Variants in HELZ observed in about 807,000 individuals in gnomAD.
HELZ encodes ATP-dependent RNA helicase with zinc finger domain.
Under a neutral mutation model 218.2 loss-of-function variants are expected in HELZ, and 23 were observed. The ratio of observed to expected loss-of-function variants is 0.11; its 90% CI spans 0.08 to 0.15. The LOEUF (loss-of-function observed/expected upper bound fraction) is 0.15, where lower values mean the gene tolerates loss of function less well. Among genes scored for constraint, HELZ ranks in the 10% least tolerant of loss-of-function variants. HELZ has a pLI of 1.00. For missense variants in HELZ, 1,813 were observed against 2,353.7 expected (o/e 0.77, Z 4.75); for synonymous variants, 814 against 829.4 (o/e 0.98, Z 0.32).
intron 27 of HELZ, among the ~76,000 whole-genome samples, chr17:67,117,546 T>C (rs2037463927): frequency 6.7e-6 from 1 of 149,340 alleles, no homozygotes; most frequent in Non-Finnish European, 1.5e-5. Flanking sequence ...CTGTATATAC[T>C]GAAAACTTTT....
chr17:67,174,758 T>C (rs989120519), intron 13 of HELZ, among the ~76,000 whole-genome samples: 1 of 151,906 alleles, frequency 6.6e-6, no homozygotes, highest in Non-Finnish European at 1.5e-5. Context: ...GACTGCACCA[T>C]TGCACTCCAG....
intron 31 of HELZ, among the ~76,000 whole-genome samples, chr17:67,100,376 A>C (rs937471354): frequency 6.6e-6 from 1 of 152,208 alleles, no homozygotes; most frequent in Non-Finnish European, 1.5e-5. Context: ...GTAAATGTCG[A>C]TTTACTGAAA....
At chr17:67,204,053 C>T (rs1421586684) in intron 5 of HELZ, among the ~76,000 whole-genome samples, 3 of 152,174 alleles carry the variant, frequency 2.0e-5, no homozygotes, top group African/African-American at 4.8e-5. Flanking sequence ...GAGATGATTT[C>T]TCACAGCAAC....
chr17:67,100,397 G>A (rs543965610), intron 31 of HELZ, among the ~76,000 whole-genome samples: 1 of 152,264 alleles, frequency 6.6e-6, no homozygotes, highest in South Asian at 2.1e-4. Context: ...GCTGATCAAA[G>A]TAAGTGACTT....
chr17:67,094,279 A>G (rs185827228), intron 31 of HELZ, among the ~76,000 whole-genome samples: 98 of 151,874 alleles, frequency 6.5e-4, no homozygotes, highest in Non-Finnish European at 6.0e-4. Context: ...CTGAGATCAT[A>G]TACTGCACCT....
At chr17:67,218,427 T>C (rs1248519555) in intron 4 of HELZ, among the ~76,000 whole-genome samples, 168 bp downstream of exon 4, 1 of 152,136 alleles carries the variant, frequency 6.6e-6, no homozygotes, top group African/African-American at 2.4e-5. Flanking sequence ...GTAGAACAGT[T>C]TTCAAGGTTC....
intron 3 of HELZ, among the ~76,000 whole-genome samples, chr17:67,234,285 T>C (rs918987490): frequency 6.1e-5 from 8 of 132,004 alleles, no homozygotes; most frequent in African/African-American, 2.4e-4. Context: ...ATGGAGCCAC[T>C]GTACTCCAAA....
intron 27 of HELZ, among the ~76,000 whole-genome samples, chr17:67,117,191 A>G (rs1469420746): frequency 6.6e-6 from 1 of 152,084 alleles, no homozygotes; most frequent in Admixed American, 6.5e-5. Flanking sequence ...ATTCTTCTCA[A>G]GTACACACAG....
At chr17:67,089,806 CCAAGGAA>C (rs1407379363) in intron 31 of HELZ, among the ~76,000 whole-genome samples, 190 of 150,056 alleles carry the variant, frequency 1.3e-3, no homozygotes, top group African/African-American at 4.2e-3. Flanking sequence ...CAGGAATCTC[CCAAGGAA>C]TTGGGAGATT....
Position 67,071,599 on chromosome 17 carries a change from T to C in HELZ, c.*6653A>G, listed in dbSNP as rs988045113. 1 of 152,190 alleles carries C rather than the reference T, an allele frequency of 6.6e-6. No homozygotes were observed. The highest frequency in any genetic ancestry group is 1.5e-5 in the Non-Finnish European group (1 of 68,032). 9.4% of individuals were successfully genotyped at this position (152,190 alleles called of 1,614,324 possible). ...AAATAGCTTTTTTTTGTCTTTCTAGTAGCTCAGTAAATTCAAAGGCAAACT... is the reference window on the plus strand; with the variant it reads ...AAATAGCTTTTTTTTGTCTTTCTAGCAGCTCAGTAAATTCAAAGGCAAACT... On this transcript the variant is annotated 3_prime_UTR_variant, in exon 33 of 33. Coordinates refer to ENST00000358691, the MANE Select transcript of HELZ (RefSeq NM_014877.4).
At chr17:67,147,265 T>C (rs2038527064) in intron 20 of HELZ, among the ~76,000 whole-genome samples, 1 of 152,200 alleles carries the variant, frequency 6.6e-6, no homozygotes, top group South Asian at 2.1e-4. Flanking sequence ...TTTATTTGTA[T>C]GTGTAGATAT....
intron 31 of HELZ, among the ~76,000 whole-genome samples, chr17:67,095,601 C>G (rs574627629): frequency 6.6e-6 from 1 of 152,296 alleles, no homozygotes; most frequent in African/African-American, 2.4e-5. Context: ...CATAAGATTA[C>G]AGCAAGTTAG....
intron 31 of HELZ, among the ~76,000 whole-genome samples, chr17:67,094,334 AGAG>A (rs1429228320): frequency 3.5e-4 from 45 of 128,106 alleles, no homozygotes; most frequent in African/African-American, 1.8e-3. Context: ...AAAAAAAAAA[AGAG>A]AGAGAGAGAG....
rs1375352271 is a variant in HELZ at position 67,137,946 on chromosome 17, C to T, written c.2938G>A (p.Val980Met). 1.2e-6 allele frequency: 2 copies of T among 1,610,798 alleles called. No individual in the cohort carries two copies. Among genetic ancestry groups the T allele is most frequent in the Non-Finnish European group, 8.5e-7 (1 of 1,178,010 alleles). The change falls in exon 22 of 33, where the codon GTG (valine) becomes ATG (methionine). Residue 980 changes from valine (V) to methionine (M), a missense_variant. Val to Met is a conservative substitution (Grantham distance 21). Coordinates refer to ENST00000358691, the MANE Select transcript of HELZ (RefSeq NM_014877.4). Reference sequence around the variant, plus strand: ...TGACACTTACCTTGAACATTTAGCACCCTTTCTACATTAACATCAGATAAT... The same window carrying T: ...TGACACTTACCTTGAACATTTAGCATCCTTTCTACATTAACATCAGATAAT... ...KRLSDVNVERVLNVQGKQFRV... is the reference protein window; with the variant it reads ...KRLSDVNVERMLNVQGKQFRV...
Position 67,215,162 on chromosome 17 carries a change from A to C in HELZ, c.247+737T>G, listed in dbSNP as rs184668290. Among the ~76,000 whole-genome samples the C allele has an allele frequency of 5.5e-3, 841 of 152,052 alleles. 13 individuals are homozygous for C. Among genetic ancestry groups the C allele is most frequent in the African/African-American group, 0.018 (763 of 41,466 alleles). On this transcript the variant is annotated intron_variant, in intron 5 of 32. Transcript: ENST00000358691. ...CTGTCTCAGAGAGGGGAAAAAAAAA[A>C]CACAGGAAAAATTACTAAAGAGCAT... is the stretch of plus-strand genomic sequence containing the variant.
rs558526846 is a variant in HELZ, at chr17:67,201,467, A to C, written c.373-282T>G. On this transcript the variant is annotated intron_variant, in intron 6 of 32. Transcript: ENST00000358691. ...ATTAACTCAAGAAAATATTAACAAC[A>C]GGTACCACCACAGAACAAGACAGCA... Among the ~76,000 whole-genome samples, 131 of 152,348 alleles carry C rather than the reference A, an allele frequency of 8.6e-4. 2 individuals carry two copies. The highest frequency in any genetic ancestry group is 6.8e-3 in the Middle Eastern group (2 of 294).
Position 67,114,339 on chromosome 17 carries a change from T to C in HELZ, c.3903A>G (p.Pro1301=). ...INKIRTPEKK[P]TEPKQVDLES... ...AGCAGCATACCTGTTTTGGTTCTGTTGGCTTTTTCTCTGGTGTTCGAATCT... is the reference window on the plus strand; with the variant it reads ...AGCAGCATACCTGTTTTGGTTCTGTCGGCTTTTTCTCTGGTGTTCGAATCT... The change falls in exon 28 of 33, where the codon CCA becomes CCG. Residue 1301 remains proline, a synonymous_variant. Coordinates refer to ENST00000358691, the MANE Select transcript of HELZ (RefSeq NM_014877.4). 1 of 1,610,192 alleles carries C rather than the reference T, an allele frequency of 6.2e-7. No individual in the cohort carries two copies. Among genetic ancestry groups the C allele is most frequent in the African/African-American group, 1.3e-5 (1 of 74,956 alleles).
At chr17:67,119,993 CTTTTTTTTTT>C (rs56893875) in intron 27 of HELZ, 74 of 161,986 alleles carry the variant, frequency 4.6e-4, no homozygotes, top group East Asian at 2.3e-3. Flanking sequence ...TCTCCCTTTT[CTTTTTTTTTT>C]TTTTTTTTTT....
intron 31 of HELZ, among the ~76,000 whole-genome samples, chr17:67,088,127 G>A (rs1463675126): frequency 6.6e-6 from 1 of 152,196 alleles, no homozygotes. Flanking sequence ...CACAGGAAGG[G>A]TTCATTGCTA....
Sources: allele counts gnomAD v4.1 joint callset (sites outside exome capture counted in the v4.1 genomes callset), GRCh38; gene constraint gnomAD v4.1.1; transcripts MANE v1.5; gene names NCBI Gene and HGNC (gene_info 2026-07-23, HGNC 2026-07-21).